The following PLAG1 variants were observed in gnomAD, a reference collection of about 807,000 sequenced individuals.
PLAG1 encodes the protein PLAG1 zinc finger.
A neutral mutation model predicts 35.5 loss-of-function variants in PLAG1; 7 were observed. That is an observed-to-expected ratio of 0.20 (90% CI 0.11 to 0.37). PLAG1 has a LOEUF of 0.37. Among genes scored for constraint, PLAG1 ranks in the 10% least tolerant of loss-of-function variants. The pLI, the probability that PLAG1 is intolerant of heterozygous loss-of-function variation, is 1.00. For missense variants in PLAG1, 454 were observed against 602.8 expected (o/e 0.75, Z 2.58); for synonymous variants, 229 against 225.4 (o/e 1.02, Z -0.14).
intron 2 of PLAG1, among the ~76,000 whole-genome samples, chr8:56,173,148 T>C (rs930933750): frequency 1.4e-4 from 22 of 152,258 alleles, no homozygotes; most frequent in African/African-American, 5.3e-4. Flanking sequence ...ATAAAAACCT[T>C]TAGCATCTAA....
intron 1 of PLAG1, among the ~76,000 whole-genome samples, chr8:56,194,546 C>T (rs1009897505): frequency 6.6e-5 from 10 of 151,768 alleles, no homozygotes; most frequent in African/African-American, 2.4e-4. Context: ...GGTGGAGGAA[C>T]CGGAAGAGCA....
intron 1 of PLAG1, among the ~76,000 whole-genome samples, chr8:56,186,172 A>G (rs970414648): frequency 2.0e-5 from 3 of 152,082 alleles, no homozygotes; most frequent in Non-Finnish European, 2.9e-5. Context: ...AGGGGCTTAA[A>G]CTTTAAAAAT....
chr8:56,166,696 C>A lies in PLAG1; in HGVS notation c.1050G>T (p.Gln350His). Reference sequence around the variant, plus strand: ...AACTCTCAATTTCCCCCTTTAATGGCTGTTCTTTTTCAGGAATAGAAATTG... The same window carrying A: ...AACTCTCAATTTCCCCCTTTAATGGATGTTCTTTTTCAGGAATAGAAATTG... ...SYAISIPEKEQPLKGEIESYL... is the reference protein window; with the variant it reads ...SYAISIPEKEHPLKGEIESYL... The change falls in exon 5 of 5, where the codon CAG becomes CAT. Residue 350 changes from glutamine to histidine, a missense_variant. By Grantham distance (24) the Gln-to-His change is conservative (BLOSUM62 0). Around this residue, in one of 4 missense-constraint regions of PLAG1, gnomAD observed 271 missense variants for 315.6 expected, o/e 0.86. Transcript: ENST00000316981. 1 of 1,614,038 alleles carries A rather than the reference C, an allele frequency of 6.2e-7. No homozygotes were observed. The highest frequency in any genetic ancestry group is 8.5e-7 in the Non-Finnish European group (1 of 1,179,942).
At chr8:56,178,536 T>C (rs1262951265) in intron 2 of PLAG1, among the ~76,000 whole-genome samples, 1 of 152,194 alleles carries the variant, frequency 6.6e-6, no homozygotes, top group Admixed American at 6.5e-5. Context: ...AGAATGTTGT[T>C]CTTATAGAAA....
At position 56,168,120 on chromosome 8, in the gene PLAG1, C is replaced by A; in HGVS notation, c.150G>T (p.Lys50Asn). 6.2e-7 allele frequency: 1 copy of A among 1,613,614 alleles called. No homozygotes were observed. Among genetic ancestry groups the A allele is most frequent in the Non-Finnish European group, 8.5e-7 (1 of 1,179,598 alleles). ...CTCCTGTGTGAGAGTAGGAGTGAAC[C>A]TTTAATTTCTCAACACTGTTAAAGG... ...DKAFNSVEKL[K>N]VHSYSHTGER... is the part of the protein sequence containing the mutation. Residue 50 changes from lysine to asparagine, a missense_variant, in exon 4 of 5, where the codon AAG becomes AAT. Physicochemically the swap from Lys to Asn is moderately conservative, Grantham distance 94. Coordinates refer to ENST00000316981, the MANE Select transcript of PLAG1 (RefSeq NM_002655.3).
At chr8:56,207,970 A>T (rs1467974090) in intron 1 of PLAG1, among the ~76,000 whole-genome samples, 1 of 152,114 alleles carries the variant, frequency 6.6e-6, no homozygotes, top group Non-Finnish European at 1.5e-5. Context: ...GGAAGAAAAA[A>T]AATCACAATA....
At chr8:56,176,818 G>A (rs1811710290) in intron 2 of PLAG1, among the ~76,000 whole-genome samples, 1 of 152,020 alleles carries the variant, frequency 6.6e-6, no homozygotes, top group African/African-American at 2.4e-5. Context: ...TTAAGTTTCT[G>A]GGGGTACAAC....
chr8:56,210,180 C>T (rs897701978), intron 1 of PLAG1, among the ~76,000 whole-genome samples: 1 of 152,152 alleles, frequency 6.6e-6, no homozygotes, highest in African/African-American at 2.4e-5. Context: ...ACTCCTTGGT[C>T]CCTGCAAAGT....
intron 1 of PLAG1, among the ~76,000 whole-genome samples, chr8:56,203,958 G>A (rs939508942): frequency 6.6e-6 from 1 of 151,876 alleles, no homozygotes; most frequent in Non-Finnish European, 1.5e-5. Flanking sequence ...TCATGTTTGA[G>A]GTGTAGCTTA....
At chr8:56,194,013 C>T (rs545032827) in intron 1 of PLAG1, among the ~76,000 whole-genome samples, 18 of 152,128 alleles carry the variant, frequency 1.2e-4, no homozygotes, top group African/African-American at 4.1e-4. Context: ...CCACCACGCC[C>T]GGCCTTCATT....
At chr8:56,197,086 G>A (rs1812400648) in intron 1 of PLAG1, among the ~76,000 whole-genome samples, 1 of 151,904 alleles carries the variant, frequency 6.6e-6, no homozygotes, top group Non-Finnish European at 1.5e-5. Flanking sequence ...CTGGGGGTCT[G>A]TCTCTCTCTT....
At chr8:56,197,998 G>A (rs770664252) in intron 1 of PLAG1, among the ~76,000 whole-genome samples, 1 of 152,116 alleles carries the variant, frequency 6.6e-6, no homozygotes, top group Non-Finnish European at 1.5e-5. Context: ...AGTGATCCCA[G>A]GCCTCCTCCT....
At chr8:56,174,830 A>G (rs999140703) in intron 2 of PLAG1, among the ~76,000 whole-genome samples, 3 of 152,234 alleles carry the variant, frequency 2.0e-5, no homozygotes, top group African/African-American at 4.8e-5. Context: ...GCAGTACAGT[A>G]TAACAACTAT....
At chr8:56,182,806 G>A (rs560706824) in intron 1 of PLAG1, among the ~76,000 whole-genome samples, 30 of 152,312 alleles carry the variant, frequency 2.0e-4, no homozygotes, top group African/African-American at 7.2e-4. Flanking sequence ...CAAAGAGGCG[G>A]GGAAGAAAGT....
At chr8:56,209,791 C>T (rs547341646) in intron 1 of PLAG1, among the ~76,000 whole-genome samples, 1 of 152,244 alleles carries the variant, frequency 6.6e-6, no homozygotes, top group South Asian at 2.1e-4. Context: ...TATCCCTCCT[C>T]TGCAGAGCCC....
Position 56,166,759 on chromosome 8 carries a change from G to C in PLAG1, c.987C>G (p.His329Gln), listed in dbSNP as rs567088493. 1 of 1,614,124 alleles carries C rather than the reference G, an allele frequency of 6.2e-7. No individual in the cohort carries two copies. Residue 329 changes from histidine (H) to glutamine (Q), a missense_variant, in exon 5 of 5, where the codon CAC (histidine) becomes CAG (glutamine). By Grantham distance (24) the His-to-Gln change is conservative (BLOSUM62 0). This residue lies in a region of PLAG1 where 271 missense variants were observed against 315.6 expected (regional missense o/e 0.86). Coordinates refer to ENST00000316981, the MANE Select transcript of PLAG1 (RefSeq NM_002655.3). ...IDMDTVHPSH[H>Q]LSFKYPFSST... The stretch of plus-strand genomic sequence containing the variant: ...AACTGAACGGATATTTGAAAGAAAG[G>C]TGGTGAGAGGGATGAACAGTGTCCA...
At position 56,163,872 on chromosome 8, in the gene PLAG1, CCA is replaced by C. The variant is rs921620886; in HGVS notation, c.*2369_*2370del. 2.2e-5 allele frequency: 4 copies of C among 185,162 alleles called. No homozygotes were observed. The highest frequency in any genetic ancestry group is 9.4e-5 in the African/African-American group (4 of 42,566). 11.5% of individuals were successfully genotyped at this position (185,162 alleles called of 1,614,324 possible). A position where few individuals can be genotyped will look rare whatever the true frequency, so the allele number is the denominator to read the frequency against. Reference sequence around the variant, plus strand: ...TTTTAAACAGAATAAAGTAGTGCTTCCACACTTGCTATTTGTGATTTCTATTT... The same window carrying C: ...TTTTAAACAGAATAAAGTAGTGCTTCCACTTGCTATTTGTGATTTCTATTT... On this transcript the variant is annotated 3_prime_UTR_variant, in exon 5 of 5. Coordinates refer to ENST00000316981, the MANE Select transcript of PLAG1 (RefSeq NM_002655.3).
At chr8:56,200,649 T>C (rs1439562772) in intron 1 of PLAG1, among the ~76,000 whole-genome samples, 3 of 152,174 alleles carry the variant, frequency 2.0e-5, no homozygotes, top group Non-Finnish European at 4.4e-5. Context: ...GCTCCTGAAC[T>C]GTACCCTTGC....
chr8:56,178,556 C>T (rs996341197), intron 2 of PLAG1, among the ~76,000 whole-genome samples: 2 of 152,042 alleles, frequency 1.3e-5, no homozygotes, highest in East Asian at 1.9e-4. Flanking sequence ...AATTTTAGCC[C>T]GATTAATTCG....
Sources: allele counts gnomAD v4.1 joint callset (sites outside exome capture counted in the v4.1 genomes callset), GRCh38; gene constraint gnomAD v4.1.1; regional missense constraint gnomAD v4.1.1; transcripts MANE v1.5; gene names NCBI Gene and HGNC (gene_info 2026-07-23, HGNC 2026-07-21).